The following MTG2 variants were observed in gnomAD, a reference collection of about 807,000 sequenced individuals.
The protein encoded by MTG2 is mitochondrial ribosome associated GTPase 2.
A neutral mutation model predicts 28.6 loss-of-function variants in MTG2; 23 were observed. The observed-to-expected ratio is 0.80, with a 90% CI of 0.58 to 1.14. The LOEUF (loss-of-function observed/expected upper bound fraction) is 1.14. MTG2 is among the 50% of genes most tolerant of loss of function. The pLI, the probability that MTG2 is intolerant of heterozygous loss-of-function variation, is 0.00. For synonymous variants in MTG2, 260 were observed against 251.8 expected, an observed-to-expected ratio of 1.03 and a Z score of -0.31; for missense variants, 539 against 552.0, an observed-to-expected ratio of 0.98 and a Z score of 0.24.
At chr20:62,183,546 C>T (rs2057768146) in intron 1 of MTG2, among the ~76,000 whole-genome samples, 3 of 152,218 alleles carry the variant, frequency 2.0e-5, no homozygotes, top group Admixed American at 2.0e-4. Flanking sequence ...TGTAAACGCG[C>T]CTCAGGGAGA....
chr20:62,201,011 G>C lies in MTG2; in HGVS notation c.1155G>C (p.Leu385=). 6.2e-7 allele frequency: 1 copy of C among 1,613,142 alleles called. No individual in the cohort carries two copies. The highest frequency in any genetic ancestry group is 8.5e-7 in the Non-Finnish European group (1 of 1,179,970). Residue 385 remains leucine (L), a synonymous_variant, in exon 7 of 7, where the codon CTG becomes CTC. Transcript: ENST00000370823. ...ACCTGGAGCAGCTGCTGTTGCACCTGAAGGTGCTGTATGACGCCTACGCGG... is the reference window on the plus strand; with the variant it reads ...ACCTGGAGCAGCTGCTGTTGCACCTCAAGGTGCTGTATGACGCCTACGCGG... The part of the protein sequence containing the change: ...GENLEQLLLH[L]KVLYDAYAEA...
intron 1 of MTG2, 103 bp from the exon 2 acceptor site, chr20:62,193,313 G>A (rs1411464619): frequency 2.6e-6 from 3 of 1,162,590 alleles, no homozygotes. Context: ...GTTTGTTTCA[G>A]AAACGTGCAC....
At chr20:62,190,948 C>T (rs1376690484) in intron 1 of MTG2, among the ~76,000 whole-genome samples, 1 of 152,162 alleles carries the variant, frequency 6.6e-6, no homozygotes, top group Admixed American at 6.5e-5. Flanking sequence ...GAACAGAGAC[C>T]CGCTAAAGAA....
chr20:62,186,528 G>GTTTTTTTTTTTTTTTT (rs56818308), intron 1 of MTG2, among the ~76,000 whole-genome samples: 4 of 127,046 alleles, frequency 3.1e-5, no homozygotes, highest in Non-Finnish European at 1.6e-5. Context: ...TTTTTTTTTT[G>GTTTTTTTTTTTTTTTT]TTTTTTTTTT....
At position 62,187,818 on chromosome 20, in the gene MTG2, G is replaced by A. The variant is rs118157704; in HGVS notation, c.-6+4761G>A. ...ATGTTATTGTTGTCTCTTTATTTCT[G>A]CTCTGTATTATTCTCCTCCTTCTAC... is the stretch of plus-strand genomic sequence containing the variant. On this transcript the variant is annotated intron_variant, in intron 1 of 6. Coordinates refer to ENST00000370823, the MANE Select transcript of MTG2 (RefSeq NM_015666.4). 3.1e-4 allele frequency among the ~76,000 whole-genome samples: 47 copies of A among 152,144 alleles called. No homozygotes were observed. In the East Asian group the frequency reaches 6.4e-3, roughly 21 times the overall value.
rs1187758801 is a variant in MTG2 at position 62,203,253 on chromosome 20, CTG to C, written c.*2179_*2180del. 1 of 152,268 alleles carries C rather than the reference CTG, an allele frequency of 6.6e-6. No individual in the cohort carries two copies. The highest frequency in any genetic ancestry group is 1.5e-5 in the Non-Finnish European group (1 of 68,082). 9.4% of individuals were successfully genotyped at this position (152,268 alleles called of 1,614,324 possible). A position where few individuals can be genotyped will look rare whatever the true frequency, so the allele number is the denominator to read the frequency against. ...GGTTGAAACCTTGATCTGGGCCTGACTGTGGCTGCTCTGGGGACATGCCCTCG... is the reference window on the plus strand; with the variant it reads ...GGTTGAAACCTTGATCTGGGCCTGACTGGCTGCTCTGGGGACATGCCCTCG... On this transcript the variant is annotated 3_prime_UTR_variant, in exon 7 of 7. Coordinates refer to ENST00000370823, the MANE Select transcript of MTG2 (RefSeq NM_015666.4).
intron 2 of MTG2, among the ~76,000 whole-genome samples, chr20:62,195,136 C>T (rs1018749577): frequency 9.2e-5 from 14 of 152,154 alleles, no homozygotes; most frequent in Non-Finnish European, 1.6e-4. Context: ...GCAGAGCTTG[C>T]AGTGAGCCGA....
intron 1 of MTG2, among the ~76,000 whole-genome samples, chr20:62,192,819 T>C (rs1013960530): frequency 1.3e-5 from 2 of 152,204 alleles, no homozygotes; most frequent in Non-Finnish European, 2.9e-5. Flanking sequence ...AAGTGTGTTC[T>C]TCTCATTCTA....
At chr20:62,199,875 T>G (rs1384794592) in intron 6 of MTG2, 1 of 151,912 alleles carries the variant, frequency 6.6e-6, no homozygotes, top group African/African-American at 2.4e-5. Context: ...TTTTGTATTT[T>G]TAGTAGAGAC....
At chr20:62,183,661 C>A (rs1373150637) in intron 1 of MTG2, among the ~76,000 whole-genome samples, 1 of 152,098 alleles carries the variant, frequency 6.6e-6, no homozygotes, top group Non-Finnish European at 1.5e-5. Context: ...TACCGAGGAA[C>A]GGCGTTCACA....
intron 1 of MTG2, among the ~76,000 whole-genome samples, chr20:62,185,438 AT>A (rs1280267206): frequency 3.1e-5 from 3 of 97,682 alleles, no homozygotes; most frequent in South Asian, 2.5e-4. Context: ...AAAATAAAAA[AT>A]AAAATATATA....
intron 1 of MTG2, among the ~76,000 whole-genome samples, chr20:62,185,916 C>T (rs1042946195): frequency 6.6e-6 from 1 of 152,114 alleles, no homozygotes; most frequent in African/African-American, 2.4e-5. Context: ...CAGCACTCAG[C>T]GGGCCTCCAA....
chr20:62,189,155 A>T (rs2057905579), intron 1 of MTG2, among the ~76,000 whole-genome samples: 1 of 152,102 alleles, frequency 6.6e-6, no homozygotes, highest in Non-Finnish European at 1.5e-5. Context: ...AAAAAAATTT[A>T]AAAATTAGGC....
intron 1 of MTG2, among the ~76,000 whole-genome samples, chr20:62,184,995 A>G (rs6142980): frequency 0.13 from 20,315 of 151,876 alleles, 1,733 homozygotes; most frequent in East Asian, 0.44. Flanking sequence ...ATGTAATCCC[A>G]GGTACTCGGG....
chr20:62,191,622 G>A (rs2057961664), intron 1 of MTG2, among the ~76,000 whole-genome samples: 1 of 152,214 alleles, frequency 6.6e-6, no homozygotes, highest in Non-Finnish European at 1.5e-5. Flanking sequence ...CACTGCGAGG[G>A]AGGAGGCAGG....
In MTG2 at chr20:62,200,790, CT is replaced by C. The variant is rs1359550589; in HGVS notation, c.937del (p.Ser313LeufsTer12). 5 of 1,613,762 alleles carry C rather than the reference CT, an allele frequency of 3.1e-6. No individual in the cohort carries two copies. The African/African-American group carries it at 4.0e-5, about 13-fold the overall frequency. On this transcript the variant is annotated frameshift_variant, in exon 7 of 7. Coordinates refer to ENST00000370823, the MANE Select transcript of MTG2 (RefSeq NM_015666.4). LOFTEE classifies it low-confidence loss of function (END_TRUNC). ...RCRFLLFVVD[L>X]SQPEPWTQVD... ...CCGCTTTCTCTTGTTCGTGGTGGATCTTTCTCAGCCTGAGCCGTGGACTCAA... is the reference window on the plus strand; with the variant it reads ...CCGCTTTCTCTTGTTCGTGGTGGATCTTCTCAGCCTGAGCCGTGGACTCAA...
At chr20:62,200,404 G>C (rs1318621780) in intron 6 of MTG2, 2 of 372,786 alleles carry the variant, frequency 5.4e-6, no homozygotes, top group Admixed American at 8.6e-5. Context: ...GAAAGAGAAG[G>C]TATGAAATGT....
intron 2 of MTG2, among the ~76,000 whole-genome samples, chr20:62,194,215 G>T (rs1465384169): frequency 6.6e-6 from 1 of 152,098 alleles, no homozygotes; most frequent in Non-Finnish European, 1.5e-5. Context: ...CCTATTTAAA[G>T]CATGAATTGT....
intron 1 of MTG2, among the ~76,000 whole-genome samples, chr20:62,187,890 G>A (rs2057878978): frequency 1.3e-5 from 2 of 152,052 alleles, no homozygotes; most frequent in South Asian, 4.1e-4. Context: ...GGAGCCTTAG[G>A]TTACTGATTT....
Sources: allele counts gnomAD v4.1 joint callset (sites outside exome capture counted in the v4.1 genomes callset), GRCh38; gene constraint gnomAD v4.1.1; transcripts MANE v1.5; gene names NCBI Gene and HGNC (gene_info 2026-07-23, HGNC 2026-07-21).